Variants in LPP observed in about 807,000 individuals in gnomAD.
LPP encodes the protein lipoma-preferred partner.
Under a neutral mutation model 60.4 loss-of-function variants are expected in LPP, and 38 were observed. The ratio of observed to expected loss-of-function variants is 0.63; its 90% CI spans 0.49 to 0.83. LPP has a LOEUF of 0.83. LPP is among the 40% of genes least tolerant of loss of function. The probability of loss-of-function intolerance (pLI) is 0.00; values close to 1 mark genes in which losing one functional copy is unlikely to be tolerated. For synonymous variants in LPP, 328 were observed against 290.8 expected (o/e 1.13, Z -1.30); for missense variants, 902 against 783.6 (o/e 1.15, Z -1.80).
rs1829794491 is a variant in LPP, at chr3:188,557,680, G to C, written c.429+32893G>C. Among the ~76,000 whole-genome samples the C allele has an allele frequency of 2.0e-5, 3 of 152,104 alleles. No individual in the cohort carries two copies. The South Asian group carries it at 6.2e-4, about 32-fold the overall frequency. On this transcript the variant is annotated intron_variant, in intron 6 of 11. Transcript: ENST00000617246. ...TGTACATTGGCTAACATATTTGTCTGAGTAAGGGTGAGAGACAAGAAGAAC... is the reference window on the plus strand; with the variant it reads ...TGTACATTGGCTAACATATTTGTCTCAGTAAGGGTGAGAGACAAGAAGAAC...
intron 2 of LPP, among the ~76,000 whole-genome samples, chr3:188,270,524 A>T (rs751798214): frequency 3.3e-5 from 5 of 152,226 alleles, no homozygotes; most frequent in Non-Finnish European, 5.9e-5. Context: ...CAAACAGCTC[A>T]GAAGCCAGAT....
Position 188,881,925 on chromosome 3 carries a change from A to C in LPP, c.*7446A>C. The C allele has an allele frequency of 4.6e-6, 1 of 217,690 alleles. No homozygotes were observed. The highest frequency in any genetic ancestry group is 6.8e-5 in the East Asian group (1 of 14,608). 13.5% of individuals were successfully genotyped at this position (217,690 alleles called of 1,614,324 possible). ...TGTGCTCAAATATTTGTACCTAGAG[A>C]CGTTACATGTTAGAAAAAGTGAGCA... On this transcript the variant is annotated 3_prime_UTR_variant, in exon 12 of 12. Transcript: ENST00000617246.
intron 9 of LPP, among the ~76,000 whole-genome samples, chr3:188,830,519 C>T (rs1756873251): frequency 6.6e-6 from 1 of 151,684 alleles, no homozygotes; most frequent in African/African-American, 2.4e-5. Context: ...GCAGGAGAAT[C>T]GCTTGAACCT....
In LPP at chr3:188,502,522, C is replaced by G. The variant is rs934002205; in HGVS notation, c.306+17818C>G. ...CTTTGGATATAAAGTCTCTTGTAGA[C>G]AACATATATTTGGGTTATGTGTTTT... On this transcript the variant is annotated intron_variant, in intron 5 of 11. Transcript: ENST00000617246. Among the ~76,000 whole-genome samples, 3 of 152,242 alleles carry G rather than the reference C, an allele frequency of 2.0e-5. No individual in the cohort carries two copies. The South Asian group carries it at 6.2e-4, about 32-fold the overall frequency.
In LPP at chr3:188,371,641, A is replaced by ATT. The variant is rs1158606459; in HGVS notation, c.-10+29951_-10+29952dup. On this transcript the variant is annotated intron_variant, in intron 3 of 11. Coordinates refer to ENST00000617246, the MANE Select transcript of LPP (RefSeq NM_001375462.1). ...AATATATATATATATATATATATAT[A>ATT]TTTTTTTTTTTTTTTTTTTTTTTTT... 1.7e-3 allele frequency among the ~76,000 whole-genome samples: 55 copies of ATT among 32,176 alleles called. 11 individuals carry two copies. The highest frequency in any genetic ancestry group is 5.1e-3 in the African/African-American group (41 of 8,102). The allele number at this position is 32,176 out of a possible 152,430, so 21.1% of individuals were successfully genotyped here.
chr3:188,251,008 TC>T (rs1245810465), intron 2 of LPP, among the ~76,000 whole-genome samples: 14,093 of 32,486 alleles, frequency 0.43, 4,065 homozygotes, highest in Middle Eastern at 0.68. Flanking sequence ...CCCCCTGCCC[TC>T]CCCCCCGCCC....
At chr3:188,771,559 A>AAAAAAAAAAAG (rs1735997196) in intron 9 of LPP, among the ~76,000 whole-genome samples, 1 of 77,568 alleles carries the variant, frequency 1.3e-5, no homozygotes, top group African/African-American at 5.5e-5. Flanking sequence ...CAAAAAAAAA[A>AAAAAAAAAAAG]AAAAAAAGAA....
chr3:188,331,908 A>G (rs547384141), intron 2 of LPP, among the ~76,000 whole-genome samples: 1 of 152,318 alleles, frequency 6.6e-6, no homozygotes, highest in African/African-American at 2.4e-5. Context: ...TTCCAAGACT[A>G]TTTTTAAGGA....
At chr3:188,158,591 A>G (rs1717239746) in intron 1 of LPP, among the ~76,000 whole-genome samples, 1 of 152,168 alleles carries the variant, frequency 6.6e-6, no homozygotes, top group African/African-American at 2.4e-5. Context: ...TTCCTTTCCT[A>G]TCATTCTTTT....
chr3:188,559,112 C>T (rs1315054155), intron 6 of LPP, among the ~76,000 whole-genome samples: 1 of 152,000 alleles, frequency 6.6e-6, no homozygotes, highest in Non-Finnish European at 1.5e-5. Flanking sequence ...CCAGATGTAA[C>T]ATGAGGGAGC....
intron 9 of LPP, among the ~76,000 whole-genome samples, chr3:188,787,866 C>T (rs1742441490): frequency 6.6e-6 from 1 of 152,206 alleles, no homozygotes; most frequent in South Asian, 2.1e-4. Context: ...TGGCCAAAAT[C>T]TGCAGCTGGA....
intron 7 of LPP, among the ~76,000 whole-genome samples, chr3:188,681,216 G>T (rs1439132276): frequency 6.6e-6 from 1 of 152,044 alleles, no homozygotes; most frequent in Non-Finnish European, 1.5e-5. Context: ...GGATGGTCTC[G>T]ATCTCTTGAC....
chr3:188,370,436 C>A (rs1010464660), intron 3 of LPP, among the ~76,000 whole-genome samples: 1 of 151,908 alleles, frequency 6.6e-6, no homozygotes, highest in Admixed American at 6.6e-5. Flanking sequence ...GTTATGTTGT[C>A]AGCATCCTCA....
In LPP at chr3:188,590,287, T is replaced by C. The variant is rs565695365; in HGVS notation, c.430-18874T>C. Among the ~76,000 whole-genome samples, 99 of 152,300 alleles carry C rather than the reference T, an allele frequency of 6.5e-4. 1 individual carries two copies. The highest frequency in any genetic ancestry group is 2.4e-3 in the African/African-American group (98 of 41,578). On this transcript the variant is annotated intron_variant, in intron 6 of 11. Transcript: ENST00000617246. ...TCTTTCATTTTTAAAAAAGATGTAT[T>C]CTTGGCCAGGCGCTGTGGCTCATGC... is the stretch of plus-strand genomic sequence containing the variant.
chr3:188,660,795 C>A (rs1011377834), intron 7 of LPP, among the ~76,000 whole-genome samples: 3 of 152,202 alleles, frequency 2.0e-5, no homozygotes, highest in Admixed American at 6.5e-5. Flanking sequence ...CTATCAACAT[C>A]TCTGACGAGA....
At chr3:188,872,560 G>A in intron 10 of LPP, 83 bp from the exon 11 acceptor site, 1 of 1,521,634 alleles carries the variant, frequency 6.6e-7, no homozygotes, top group South Asian at 1.1e-5. Flanking sequence ...CCGACTCTCA[G>A]TTTCCACCTC....
At chr3:188,400,679 G>T (rs1782027560) in intron 3 of LPP, among the ~76,000 whole-genome samples, 3 of 152,156 alleles carry the variant, frequency 2.0e-5, no homozygotes, top group African/African-American at 7.2e-5. Flanking sequence ...TTAGAGGAGG[G>T]CCACTGCTCT....
chr3:188,789,223 C>T (rs555865027), intron 9 of LPP, among the ~76,000 whole-genome samples: 32 of 151,752 alleles, frequency 2.1e-4, no homozygotes, highest in Non-Finnish European at 4.4e-4. Context: ...CACTGGGAAA[C>T]CAAAAAAATA....
intron 9 of LPP, among the ~76,000 whole-genome samples, chr3:188,862,629 G>A (rs1015318119): frequency 2.6e-5 from 4 of 151,170 alleles, no homozygotes; most frequent in South Asian, 4.2e-4. Context: ...CACAAAGCAC[G>A]CTACTGATAT....
Sources: gnomAD v4.1 joint callset for allele counts (sites outside exome capture counted in the v4.1 genomes callset) on GRCh38, gnomAD v4.1.1 for gene constraint, MANE v1.5 for transcripts, NCBI Gene and HGNC (gene_info 2026-07-23, HGNC 2026-07-21) for gene names.